The following FYN variants were observed in gnomAD, a reference collection of about 807,000 sequenced individuals.
FYN encodes FYN proto-oncogene, Src family tyrosine kinase.
In FYN, 10 loss-of-function variants were observed where a neutral mutation model predicts 70.2. That is an observed-to-expected ratio of 0.14 (90% CI 0.09 to 0.24). The LOEUF is 0.24. Ranked by LOEUF, FYN falls within the 10% of genes least tolerant of loss-of-function variation. The pLI is 1.00. For synonymous variants in FYN, 236 were observed against 248.6 expected (o/e 0.95, Z 0.48); for missense variants, 319 against 673.1 (o/e 0.47, Z 5.82).
At chr6:111,664,694 CCTT>C (rs1365132197) in intron 13 of FYN, among the ~76,000 whole-genome samples, 1 of 152,066 alleles carries the variant, frequency 6.6e-6, no homozygotes, top group Non-Finnish European at 1.5e-5. Flanking sequence ...TGGTCAGGCT[CCTT>C]CTCGCTCTCC....
chr6:111,684,857 A>G lies in FYN; in HGVS notation c.1273+9518T>C, dbSNP rs1336463029. 3.9e-5 allele frequency among the ~76,000 whole-genome samples: 6 copies of G among 152,178 alleles called. No homozygotes were observed. The South Asian group carries it at 1.0e-3, about 26-fold the overall frequency. ...AGACTGTGTTATGGAGGCTTATTTA[A>G]GTGGTTATCTTGGGTGGGACTGAAG... On this transcript the variant is annotated intron_variant, in intron 12 of 13. Transcript: ENST00000354650.
chr6:111,790,334 G>A (rs116054335), intron 2 of FYN, among the ~76,000 whole-genome samples: 291 of 149,980 alleles, frequency 1.9e-3, no homozygotes, highest in Middle Eastern at 3.5e-3. Flanking sequence ...TTAGATAAAA[G>A]TGCAACAGAA....
Position 111,661,680 on chromosome 6 carries a change from G to T in FYN, c.*59C>A. On this transcript the variant is annotated 3_prime_UTR_variant, in exon 14 of 14. Coordinates refer to ENST00000354650, the MANE Select transcript of FYN (RefSeq NM_002037.5). This position sits in a 1 kb window ranked among gnomAD's most constrained non-coding sequence, Gnocchi z 4.0. Reference sequence around the variant, plus strand: ...GGAGCAGCTGGCTACGGAATTGAAAGCTAATGGGGAGGGGTGGGGCAGCCT... The same window carrying T: ...GGAGCAGCTGGCTACGGAATTGAAATCTAATGGGGAGGGGTGGGGCAGCCT... The T allele has an allele frequency of 6.7e-7, 1 of 1,496,578 alleles. No individual in the cohort carries two copies. The allele number at this position is 1,496,578 out of a possible 1,614,324, so 92.7% of individuals were successfully genotyped here. A position where few individuals can be genotyped will look rare whatever the true frequency, so the allele number is the denominator to read the frequency against.
chr6:111,783,163 CA>C (rs946929396), intron 2 of FYN, among the ~76,000 whole-genome samples: 3 of 152,184 alleles, frequency 2.0e-5, no homozygotes, highest in African/African-American at 7.2e-5. Context: ...AATAACAGAA[CA>C]GTTCTTCCTT....
chr6:111,678,390 T>C (rs1434589464), intron 12 of FYN, among the ~76,000 whole-genome samples: 2 of 152,140 alleles, frequency 1.3e-5, no homozygotes, highest in African/African-American at 4.8e-5. Flanking sequence ...GCTGAATTAT[T>C]CCTGTAATGA....
At chr6:111,719,205 T>C (rs1015911005) in intron 4 of FYN, among the ~76,000 whole-genome samples, 3 of 151,210 alleles carry the variant, frequency 2.0e-5, no homozygotes, top group African/African-American at 7.3e-5. Context: ...TCGGAAAACA[T>C]ATGTCTGAGA....
At chr6:111,764,077 G>A (rs1469955864) in intron 3 of FYN, among the ~76,000 whole-genome samples, 1 of 151,912 alleles carries the variant, frequency 6.6e-6, no homozygotes, top group Non-Finnish European at 1.5e-5. Flanking sequence ...GCAGAATGTT[G>A]ATGATCACTG....
intron 2 of FYN, among the ~76,000 whole-genome samples, chr6:111,781,969 T>C (rs1771191122): frequency 6.6e-6 from 1 of 152,206 alleles, no homozygotes; most frequent in Non-Finnish European, 1.5e-5. Flanking sequence ...GACAAATAGC[T>C]AATGCTACTT....
intron 12 of FYN, among the ~76,000 whole-genome samples, chr6:111,686,037 G>C (rs1218900779): frequency 6.6e-6 from 1 of 152,216 alleles, no homozygotes; most frequent in Non-Finnish European, 1.5e-5. Flanking sequence ...AGAGACTGTA[G>C]TAGGAAAGGG....
At chr6:111,744,412 T>G (rs1206119649) in intron 3 of FYN, among the ~76,000 whole-genome samples, 1 of 152,244 alleles carries the variant, frequency 6.6e-6, no homozygotes, top group African/African-American at 2.4e-5. Context: ...GCCTTCAGCC[T>G]GCAGTGGTTT....
rs553069549 is a variant in FYN at position 111,763,266 on chromosome 6, T to C, written c.-12+17300A>G. Among the ~76,000 whole-genome samples the C allele has an allele frequency of 3.9e-5, 6 of 152,314 alleles. No individual in the cohort carries two copies. The South Asian group carries it at 1.2e-3, about 32-fold the overall frequency. On this transcript the variant is annotated intron_variant, in intron 3 of 13. Coordinates refer to ENST00000354650, the MANE Select transcript of FYN (RefSeq NM_002037.5). ...TTCTATAAAATGTATAAAATCAAGCTGTAACCCAGCCACCCTGGGTACCTG... is the reference window on the plus strand; with the variant it reads ...TTCTATAAAATGTATAAAATCAAGCCGTAACCCAGCCACCCTGGGTACCTG...
At chr6:111,688,829 A>G (rs1001676667) in intron 12 of FYN, among the ~76,000 whole-genome samples, 2 of 152,186 alleles carry the variant, frequency 1.3e-5, no homozygotes, top group Non-Finnish European at 2.9e-5. Flanking sequence ...GCCGGAGATG[A>G]GGACAGTGGA....
At chr6:111,674,439 C>G (rs1798446736) in intron 13 of FYN, 60 bp downstream of exon 13, 1 of 1,546,186 alleles carries the variant, frequency 6.5e-7, no homozygotes, top group South Asian at 1.2e-5. Flanking sequence ...TGAAGTTTTC[C>G]CAAATGGTGT....
intron 13 of FYN, among the ~76,000 whole-genome samples, chr6:111,664,987 T>C (rs945274308): frequency 6.6e-6 from 1 of 152,210 alleles, no homozygotes; most frequent in African/African-American, 2.4e-5. Context: ...AATGTACCTC[T>C]GCAACAATAA....
intron 1 of FYN, among the ~76,000 whole-genome samples, chr6:111,861,009 A>G (rs1773947479): frequency 6.6e-6 from 1 of 152,164 alleles, no homozygotes; most frequent in Non-Finnish European, 1.5e-5. Flanking sequence ...CATAAGGGGG[A>G]ATCTAAAACA....
At chr6:111,857,021 TA>T (rs1440643693) in intron 1 of FYN, among the ~76,000 whole-genome samples, 1 of 152,206 alleles carries the variant, frequency 6.6e-6, no homozygotes, top group Non-Finnish European at 1.5e-5. Context: ...GAAATGCAAT[TA>T]AAAAGAGCTA....
At chr6:111,772,929 A>C (rs1803507985) in intron 3 of FYN, among the ~76,000 whole-genome samples, 1 of 151,908 alleles carries the variant, frequency 6.6e-6, no homozygotes, top group Non-Finnish European at 1.5e-5. Flanking sequence ...AATATTAGAT[A>C]ATATAAAATT....
intron 9 of FYN, among the ~76,000 whole-genome samples, chr6:111,697,904 A>T (rs1043643096): frequency 6.6e-6 from 1 of 152,206 alleles, no homozygotes; most frequent in Non-Finnish European, 1.5e-5. Flanking sequence ...CTATTATTAG[A>T]GGGTGAATGA....
chr6:111,868,870 T>C (rs1362195798), intron 1 of FYN, among the ~76,000 whole-genome samples: 3 of 152,222 alleles, frequency 2.0e-5, no homozygotes, highest in Non-Finnish European at 4.4e-5. Context: ...GCTTAAACAG[T>C]GCTTGGCATA....
Sources: allele counts gnomAD v4.1 joint callset (sites outside exome capture counted in the v4.1 genomes callset), GRCh38; gene constraint gnomAD v4.1.1; non-coding constraint Gnocchi (gnomAD v3.1); transcripts MANE v1.5; gene names NCBI Gene and HGNC (gene_info 2026-07-23, HGNC 2026-07-21).